E2F7: variants seen among roughly 807,000 people sequenced by gnomAD.
E2F7 encodes E2F transcription factor 7, also known as transcription factor E2F7.
Under a neutral mutation model 81.1 loss-of-function variants are expected in E2F7, and 35 were observed. The observed-to-expected ratio is 0.43, with a 90% confidence interval of 0.33 to 0.57. The LOEUF (loss-of-function observed/expected upper bound fraction) is 0.57, where lower values mean the gene tolerates loss of function less well. Among genes scored for constraint, E2F7 ranks in the 20% least tolerant of loss-of-function variants. The pLI, the probability that E2F7 is intolerant of heterozygous loss-of-function variation, is 0.04. For missense variants in E2F7, 961 were observed against 1,093.7 expected (o/e 0.88, Z 1.71); for synonymous variants, 416 against 416.2 (o/e 1.00, Z 0.01).
chr12:77,053,062 G>C (rs1047558890), intron 3 of E2F7, among the ~76,000 whole-genome samples: 4 of 152,046 alleles, frequency 2.6e-5, no homozygotes, highest in Non-Finnish European at 2.9e-5. Context: ...TATATTTCTG[G>C]GGGGAGGCAA....
intron 2 of E2F7, among the ~76,000 whole-genome samples, chr12:77,058,704 A>T (rs1016751150): frequency 6.6e-6 from 1 of 151,978 alleles, no homozygotes; most frequent in African/African-American, 2.4e-5. Flanking sequence ...TACCAATCTC[A>T]AGGGTTATGA....
intron 9 of E2F7, 138 bp from the exon 10 acceptor site, chr12:77,030,470 G>A (rs1388455020): frequency 3.7e-6 from 4 of 1,086,834 alleles, no homozygotes; most frequent in Non-Finnish European, 5.1e-6. Context: ...TGCTGAGCAC[G>A]TGTTAGCTCA....
intron 7 of E2F7, among the ~76,000 whole-genome samples, chr12:77,037,611 C>T (rs1954862722): frequency 6.6e-6 from 1 of 152,152 alleles, no homozygotes; most frequent in Non-Finnish European, 1.5e-5. Context: ...CAAATTAAAA[C>T]TGTATACTAT....
At position 77,021,439 on chromosome 12, in the gene E2F7, AAATT is replaced by A. The variant is rs576849205; in HGVS notation, c.*2572_*2575del. The A allele has an allele frequency of 6.3e-4, 96 of 152,796 alleles. 1 individual carries two copies. The highest frequency in any genetic ancestry group is 2.3e-3 in the African/African-American group (94 of 41,578). The allele number at this position is 152,796 out of a possible 1,614,324, so 9.5% of individuals were successfully genotyped here. On this transcript the variant is annotated 3_prime_UTR_variant, in exon 13 of 13. Transcript: ENST00000322886. ...AAAACAAAAGCAGTAAGCAGCAATA[AAATT>A]AATACCTACATACAACTAGCAGTGC...
chr12:77,045,914 G>T, intron 5 of E2F7, 124 bp downstream of exon 5: 1 of 1,229,016 alleles, frequency 8.1e-7, no homozygotes, highest in Non-Finnish European at 1.1e-6. Context: ...TCAGTGAGGA[G>T]AATAAGAGAA....
Position 77,033,861 on chromosome 12 carries a change from T to C in E2F7, c.1305A>G (p.Glu435=). Residue 435 remains glutamate (E), a synonymous_variant, in exon 8 of 13, where the codon GAA becomes GAG. Coordinates refer to ENST00000322886, the MANE Select transcript of E2F7 (RefSeq NM_203394.3). ...AGATTATGCAAGGGCAGATACCTTG[T>C]TCTTCTCTGTACGGGCTGCTCGGTT... ...NSEPSSPYRE[E]QGSGGYSLEI... is the part of the protein sequence containing the mutation. The C allele has an allele frequency of 6.2e-7, 1 of 1,602,518 alleles. No homozygotes were observed. The highest frequency in any genetic ancestry group is 2.2e-5 in the East Asian group (1 of 44,562).
At chr12:77,050,885 T>C in intron 3 of E2F7, 141 bp from the exon 4 acceptor site, 2 of 816,932 alleles carry the variant, frequency 2.4e-6, no homozygotes, top group African/African-American at 3.5e-5. Context: ...CATTTCCTAA[T>C]CTAATTCCCT....
Position 77,050,748 on chromosome 12 carries a change from C to T in E2F7, c.370-4G>A. 1 of 1,611,552 alleles carries T rather than the reference C, an allele frequency of 6.2e-7. No individual in the cohort carries two copies. Among genetic ancestry groups the T allele is most frequent in the Non-Finnish European group, 8.5e-7 (1 of 1,178,570 alleles). On this transcript the variant is annotated splice_polypyrimidine_tract_variant and splice_region_variant and intron_variant, in intron 3 of 12. Transcript: ENST00000322886. Reference sequence around the variant, plus strand: ...CACTGTCCCCAACAACATCAAGCTACAGAGGGCAGATAGAAGGGAGGGGGA... The same window carrying T: ...CACTGTCCCCAACAACATCAAGCTATAGAGGGCAGATAGAAGGGAGGGGGA...
chr12:77,027,680 T>A (rs1954770805), intron 11 of E2F7, among the ~76,000 whole-genome samples: 1 of 152,196 alleles, frequency 6.6e-6, no homozygotes, highest in Non-Finnish European at 1.5e-5. Flanking sequence ...GCCTCAATTA[T>A]TTTCCCATTA....
Position 77,023,663 on chromosome 12 carries a change from G to A in E2F7, c.*352C>T. 1 of 175,690 alleles carries A rather than the reference G, an allele frequency of 5.7e-6. No individual in the cohort carries two copies. The highest frequency in any genetic ancestry group is 1.2e-5 in the Non-Finnish European group (1 of 83,328). The allele number at this position is 175,690 out of a possible 1,614,324, so 10.9% of individuals were successfully genotyped here. A position where few individuals can be genotyped will look rare whatever the true frequency, so the allele number is the denominator to read the frequency against. ...TTACTCAGGGCAAGTGGAAATACAT[G>A]TTAAGAATGCTTACCCTAGTTAAGT... On this transcript the variant is annotated 3_prime_UTR_variant, in exon 13 of 13. Transcript: ENST00000322886.
In E2F7 at chr12:77,044,692, A is replaced by G; in HGVS notation, c.933T>C (p.Ala311=). Reference sequence around the variant, plus strand: ...GGCTTTCTTCTATCAGTATTTTGGCAGCCACATCCAGAGTGACAATCTTGG... The same window carrying G: ...GGCTTTCTTCTATCAGTATTTTGGCGGCCACATCCAGAGTGACAATCTTGG... The part of the protein sequence containing the change: ...SKTKIVTLDV[A]AKILIEESQD... The change falls in exon 6 of 13, where the codon GCT becomes GCC. Residue 311 remains alanine (A), a synonymous_variant. Coordinates refer to ENST00000322886, the MANE Select transcript of E2F7 (RefSeq NM_203394.3). 4 of 1,614,182 alleles carry G rather than the reference A, an allele frequency of 2.5e-6. No individual in the cohort carries two copies. Among genetic ancestry groups the G allele is most frequent in the Non-Finnish European group, 3.4e-6 (4 of 1,180,016 alleles).
intron 4 of E2F7, among the ~76,000 whole-genome samples, chr12:77,047,338 A>G (rs17042806): frequency 0.019 from 2,829 of 152,324 alleles, 47 homozygotes; most frequent in African/African-American, 0.046. Context: ...CTGTAACTGT[A>G]GAGTCCCCAG....
At chr12:77,027,307 C>T (rs12423410) in intron 11 of E2F7, among the ~76,000 whole-genome samples, 10,622 of 152,244 alleles carry the variant, frequency 0.07, 453 homozygotes, top group Admixed American at 0.11. Flanking sequence ...TTGAGTCTTA[C>T]TAAGTGCCAG....
intron 7 of E2F7, among the ~76,000 whole-genome samples, chr12:77,039,241 G>A (rs1021991894): frequency 6.6e-6 from 1 of 152,044 alleles, no homozygotes; most frequent in East Asian, 1.9e-4. Flanking sequence ...CTTGTGTTAG[G>A]CAAAGATTTC....
chr12:77,048,791 C>T (rs1383319482), intron 4 of E2F7, among the ~76,000 whole-genome samples: 4 of 152,266 alleles, frequency 2.6e-5, no homozygotes, highest in South Asian at 2.1e-4. Context: ...ATGTGCACAA[C>T]GATCTGCAGC....
intron 2 of E2F7, among the ~76,000 whole-genome samples, chr12:77,057,209 T>A (rs558881396): frequency 6.6e-6 from 1 of 151,952 alleles, no homozygotes; most frequent in East Asian, 1.9e-4. Flanking sequence ...GTGTGCATAC[T>A]ACAGTGGTGT....
chr12:77,062,784 CA>C (rs1266487107), intron 2 of E2F7, among the ~76,000 whole-genome samples: 2 of 150,890 alleles, frequency 1.3e-5, no homozygotes, highest in Non-Finnish European at 2.9e-5. Context: ...CTGAACCATC[CA>C]AATTGGAAAG....
chr12:77,056,204 CATTCACT>C (rs1955031355), intron 2 of E2F7, 74 bp from the exon 3 acceptor site: 10 of 1,416,734 alleles, frequency 7.1e-6, no homozygotes, highest in Non-Finnish European at 9.5e-6. Context: ...TTGTTCCCAC[CATTCACT>C]AAGACTTGAA....
chr12:77,058,318 T>G (rs1218946567), intron 2 of E2F7, among the ~76,000 whole-genome samples: 1 of 152,172 alleles, frequency 6.6e-6, no homozygotes. Context: ...TTCCGTTGTA[T>G]AGATGAAGAA....
Sources: allele counts gnomAD v4.1 joint callset (sites outside exome capture counted in the v4.1 genomes callset), GRCh38; gene constraint gnomAD v4.1.1; transcripts MANE v1.5; gene names NCBI Gene and HGNC (gene_info 2026-07-23, HGNC 2026-07-21).